The following ULK4 variants were observed in gnomAD, a reference collection of about 807,000 sequenced individuals.
The protein encoded by ULK4 is unc-51 like kinase 4.
A neutral mutation model predicts 160.6 loss-of-function variants in ULK4; 133 were observed. That is an observed-to-expected ratio of 0.83 (90% confidence interval 0.72 to 0.96). ULK4 has a LOEUF of 0.96. Among genes scored for constraint, ULK4 ranks in the 40% least tolerant of loss-of-function variants. The pLI is 0.00. For missense variants in ULK4, 1,580 were observed against 1,499.5 expected (o/e 1.05, Z -0.89); for synonymous variants, 534 against 539.8 (o/e 0.99, Z 0.15).
intron 18 of ULK4, among the ~76,000 whole-genome samples, chr3:41,831,531 A>ATATATATATATATATATATTTTTTTTT: frequency 1.4e-5 from 2 of 138,062 alleles, no homozygotes; most frequent in African/African-American, 2.8e-5. Flanking sequence ...ATATATATAT[A>ATATATATATATATATATATTTTTTTTT]TTTTTTTTTC....
At chr3:41,332,263 C>G (rs1437831032) in intron 35 of ULK4, among the ~76,000 whole-genome samples, 1 of 151,880 alleles carries the variant, frequency 6.6e-6, no homozygotes, top group Non-Finnish European at 1.5e-5. Context: ...CAAAGCTTAT[C>G]TATTCCAAAA....
intron 35 of ULK4, among the ~76,000 whole-genome samples, chr3:41,386,998 G>C (rs1416387090): frequency 1.3e-5 from 2 of 152,056 alleles, no homozygotes; most frequent in Non-Finnish European, 1.5e-5. Context: ...TGTTCCACTA[G>C]CCACTTTCTG....
At chr3:41,805,084 T>C (rs1310879085) in intron 19 of ULK4, among the ~76,000 whole-genome samples, 1 of 152,238 alleles carries the variant, frequency 6.6e-6, no homozygotes, top group African/African-American at 2.4e-5. Flanking sequence ...AGTATGGCCA[T>C]TTTCACGATA....
chr3:41,306,491 G>C (rs532663965), intron 35 of ULK4, among the ~76,000 whole-genome samples: 2 of 146,216 alleles, frequency 1.4e-5, no homozygotes, highest in Non-Finnish European at 3.0e-5. Context: ...TCAGCCCCCC[G>C]CCCGGCCAGC....
chr3:41,599,238 T>C (rs533425050), intron 31 of ULK4, among the ~76,000 whole-genome samples: 37 of 152,332 alleles, frequency 2.4e-4, no homozygotes, highest in African/African-American at 8.7e-4. Flanking sequence ...GAGGATGAGC[T>C]AATGTTTAGG....
chr3:41,686,439 G>A (rs2036104471), intron 27 of ULK4, among the ~76,000 whole-genome samples: 1 of 152,124 alleles, frequency 6.6e-6, no homozygotes. Context: ...GTTAGATTTA[G>A]AGGCCTAAAT....
At chr3:41,370,920 C>G (rs1029552867) in intron 35 of ULK4, among the ~76,000 whole-genome samples, 1 of 152,196 alleles carries the variant, frequency 6.6e-6, no homozygotes, top group African/African-American at 2.4e-5. Context: ...GACAGCACAG[C>G]AATCTGAAGC....
intron 29 of ULK4, among the ~76,000 whole-genome samples, chr3:41,678,145 G>T (rs926780028): frequency 6.6e-6 from 1 of 150,736 alleles, no homozygotes; most frequent in Non-Finnish European, 1.5e-5. Context: ...GTAATCACGC[G>T]AGCCGGTTTC....
intron 31 of ULK4, among the ~76,000 whole-genome samples, chr3:41,598,755 C>T: frequency 6.6e-6 from 1 of 151,988 alleles, no homozygotes; most frequent in African/African-American, 2.4e-5. Flanking sequence ...TTCATGATTA[C>T]TTACATGGTA....
chr3:41,835,705 C>T (rs536193460), intron 18 of ULK4, among the ~76,000 whole-genome samples, 159 bp downstream of exon 18: 20 of 152,332 alleles, frequency 1.3e-4, no homozygotes, highest in Non-Finnish European at 2.8e-4. Flanking sequence ...GGCTGAGTAA[C>T]ACTGACAAAT....
intron 29 of ULK4, among the ~76,000 whole-genome samples, chr3:41,669,541 A>T (rs1015315876): frequency 6.6e-6 from 1 of 152,200 alleles, no homozygotes; most frequent in African/African-American, 2.4e-5. Context: ...TACAGGAGTG[A>T]GCCACTGTGC....
chr3:41,565,749 T>A (rs747482468), intron 32 of ULK4, among the ~76,000 whole-genome samples: 5 of 152,192 alleles, frequency 3.3e-5, no homozygotes, highest in Non-Finnish European at 5.9e-5. Context: ...AGAAAACAGA[T>A]GAAGACAGAT....
At chr3:41,643,522 G>C (rs563463784) in intron 30 of ULK4, among the ~76,000 whole-genome samples, 3 of 152,280 alleles carry the variant, frequency 2.0e-5, no homozygotes, top group East Asian at 3.9e-4. Flanking sequence ...CATTATTTCT[G>C]AGGGCTCTGT....
At chr3:41,857,389 T>C (rs920535629) in intron 17 of ULK4, among the ~76,000 whole-genome samples, 15 of 152,248 alleles carry the variant, frequency 9.9e-5, no homozygotes, top group Non-Finnish European at 2.1e-4. Flanking sequence ...TCAGAGATAC[T>C]AGCCCATAGT....
At position 41,408,183 on chromosome 3, in the gene ULK4, C is replaced by G. The variant is rs1049586403; in HGVS notation, c.3493-9919G>C. Among the ~76,000 whole-genome samples, 5 of 151,840 alleles carry G rather than the reference C, an allele frequency of 3.3e-5. No individual in the cohort carries two copies. The South Asian group carries it at 8.3e-4, about 25-fold the overall frequency. ...GTGGCTCATGCCTGTAATCCCAGCA[C>G]TTTGGGAGGCCGAGGTGGGCGGATC... On this transcript the variant is annotated intron_variant, in intron 34 of 36. Coordinates refer to ENST00000301831, the MANE Select transcript of ULK4 (RefSeq NM_017886.4).
chr3:41,524,070 T>C (rs575954644), intron 32 of ULK4, among the ~76,000 whole-genome samples: 27 of 152,274 alleles, frequency 1.8e-4, no homozygotes, highest in East Asian at 3.9e-4. Flanking sequence ...ATGTCCAGAA[T>C]ATGCAAATCT....
chr3:41,490,535 T>G (rs1203011775), intron 32 of ULK4, among the ~76,000 whole-genome samples: 1 of 152,230 alleles, frequency 6.6e-6, no homozygotes, highest in Non-Finnish European at 1.5e-5. Flanking sequence ...CTTTCAGTGC[T>G]TCTGTTCATA....
At chr3:41,920,689 T>C (rs1256308872) in intron 5 of ULK4, among the ~76,000 whole-genome samples, 2 of 152,214 alleles carry the variant, frequency 1.3e-5, no homozygotes, top group African/African-American at 2.4e-5. Flanking sequence ...TAATCTCCAA[T>C]GATTTGGAAA....
At chr3:41,850,933 T>C (rs984291323) in intron 17 of ULK4, among the ~76,000 whole-genome samples, 1 of 152,268 alleles carries the variant, frequency 6.6e-6, no homozygotes, top group Admixed American at 6.5e-5. Flanking sequence ...AGGGTTTTTA[T>C]GGTTTTAGGT....
Sources: gnomAD v4.1 joint callset for allele counts (sites outside exome capture counted in the v4.1 genomes callset) on GRCh38, gnomAD v4.1.1 for gene constraint, MANE v1.5 for transcripts, NCBI Gene and HGNC (gene_info 2026-07-23, HGNC 2026-07-21) for gene names.